ITGA1: variants seen among roughly 807,000 people sequenced by gnomAD.
ITGA1 encodes the protein integrin subunit alpha 1.
Under a neutral mutation model 145.9 loss-of-function variants are expected in ITGA1, and 85 were observed. The ratio of observed to expected loss-of-function variants is 0.58; its 90% CI spans 0.49 to 0.70. The LOEUF (loss-of-function observed/expected upper bound fraction) is 0.70, where lower values mean the gene tolerates loss of function less well. Among genes scored for constraint, ITGA1 ranks in the 30% least tolerant of loss-of-function variants. The pLI is 0.00. For missense variants in ITGA1, 1,351 were observed against 1,418.7 expected, an observed-to-expected ratio of 0.95 and a Z score of 0.77; for synonymous variants, 520 against 495.3, an observed-to-expected ratio of 1.05 and a Z score of -0.66.
chr5:52,876,715 T>C (rs1221030674), intron 6 of ITGA1, among the ~76,000 whole-genome samples: 1 of 152,200 alleles, frequency 6.6e-6, no homozygotes, highest in Non-Finnish European at 1.5e-5. Flanking sequence ...ACATAGTCCA[T>C]ACTCTTTACC....
At chr5:52,945,141 C>T (rs1751115623) in intron 27 of ITGA1, 106 bp downstream of exon 27, 1 of 785,466 alleles carries the variant, frequency 1.3e-6, no homozygotes, top group Non-Finnish European at 2.2e-6. Flanking sequence ...TGGTATTGCT[C>T]TCGGTAAGTG....
Position 52,808,676 on chromosome 5 carries a change from C to CTTT in ITGA1, c.61+20281_61+20283dup, listed in dbSNP as rs60113844. On this transcript the variant is annotated intron_variant, in intron 1 of 28. Transcript: ENST00000282588. ...TTTTTTTCTTTTTCTTTCTTTCTTT[C>CTTT]TTTTTTTTTTTTTTTTTTTTTGTTT... Among the ~76,000 whole-genome samples the CTTT allele has an allele frequency of 4.2e-3, 288 of 69,310 alleles. 2 individuals carry two copies. The highest frequency in any genetic ancestry group is 7.7e-3 in the East Asian group (18 of 2,344). The allele number at this position is 69,310 out of a possible 152,430, so 45.5% of individuals were successfully genotyped here.
chr5:52,845,988 T>C (rs1234949968), intron 1 of ITGA1, among the ~76,000 whole-genome samples: 2 of 152,166 alleles, frequency 1.3e-5, no homozygotes, highest in Non-Finnish European at 2.9e-5. Context: ...GCGAATATCA[T>C]AGAGTATATT....
intron 8 of ITGA1, among the ~76,000 whole-genome samples, chr5:52,893,295 C>T (rs1350546408): frequency 6.6e-6 from 1 of 152,096 alleles, no homozygotes; most frequent in African/African-American, 2.4e-5. Context: ...TGCTGATTGC[C>T]TTTGCCAGCA....
At chr5:52,789,155 G>C (rs1748189777) in intron 1 of ITGA1, among the ~76,000 whole-genome samples, 1 of 152,130 alleles carries the variant, frequency 6.6e-6, no homozygotes, top group African/African-American at 2.4e-5. Context: ...TTGAAATATA[G>C]CATTTTGTAA....
chr5:52,948,230 A>AT (rs1384373733), intron 28 of ITGA1, among the ~76,000 whole-genome samples: 2 of 152,338 alleles, frequency 1.3e-5, no homozygotes, highest in East Asian at 3.9e-4. Flanking sequence ...ATAACATCCC[A>AT]TACAGAGTTG....
In ITGA1 at chr5:52,956,888, A is replaced by T. The variant is rs1452400446; in HGVS notation, c.*4437A>T. The stretch of plus-strand genomic sequence containing the variant: ...CCTCTGGCTGCCAATCAGACTGCTG[A>T]TTCTAAACCATTCTCACACAGAATT... On this transcript the variant is annotated 3_prime_UTR_variant, in exon 29 of 29. Transcript: ENST00000282588. 6.6e-6 allele frequency: 1 copy of T among 152,206 alleles called. No homozygotes were observed. Among genetic ancestry groups the T allele is most frequent in the Non-Finnish European group, 1.5e-5 (1 of 68,046 alleles). 9.4% of individuals were successfully genotyped at this position (152,206 alleles called of 1,614,324 possible).
At chr5:52,921,543 G>A (rs1425158777) in intron 17 of ITGA1, among the ~76,000 whole-genome samples, 1 of 152,034 alleles carries the variant, frequency 6.6e-6, no homozygotes, top group East Asian at 1.9e-4. Flanking sequence ...TGAACACTTA[G>A]GAATTAGAAT....
chr5:52,820,211 A>G (rs975224507), intron 1 of ITGA1, among the ~76,000 whole-genome samples: 8 of 151,954 alleles, frequency 5.3e-5, no homozygotes, highest in African/African-American at 1.9e-4. Flanking sequence ...TGATGAGTTC[A>G]TGTCCTTTGT....
At chr5:52,932,566 T>A (rs1750908615) in intron 22 of ITGA1, 1 of 153,278 alleles carries the variant, frequency 6.5e-6, no homozygotes, top group Non-Finnish European at 1.5e-5. Context: ...GCATTTCTCA[T>A]TGATAAGAGC....
chr5:52,805,153 G>A (rs1038252184), intron 1 of ITGA1, among the ~76,000 whole-genome samples: 1 of 152,118 alleles, frequency 6.6e-6, no homozygotes. Context: ...CCTAAAAGGG[G>A]AAGAAGAAAT....
intron 1 of ITGA1, chr5:52,801,898 C>G: frequency 7.7e-7 from 1 of 1,301,778 alleles, no homozygotes; most frequent in Non-Finnish European, 1.0e-6. Context: ...CAGTACATTT[C>G]TCAGCATCCT....
At chr5:52,884,824 G>A (rs766910114) in intron 7 of ITGA1, among the ~76,000 whole-genome samples, 1 of 152,168 alleles carries the variant, frequency 6.6e-6, no homozygotes, top group Non-Finnish European at 1.5e-5. Flanking sequence ...CCAGTTATCT[G>A]ACATCAGCTG....
intron 2 of ITGA1, 92 bp from the exon 3 acceptor site, chr5:52,861,355 T>C: frequency 1.3e-6 from 1 of 742,960 alleles, no homozygotes; most frequent in Non-Finnish European, 2.3e-6. Context: ...TTATGAGTGT[T>C]ATTGTCAATT....
chr5:52,861,170 CATGTATATACACACATATAT>C (rs1217307194), intron 2 of ITGA1, among the ~76,000 whole-genome samples: 1 of 151,932 alleles, frequency 6.6e-6, no homozygotes, highest in African/African-American at 2.4e-5. Flanking sequence ...CACACATATA[CATGTATATACACACATATAT>C]ATGTATATAC....
chr5:52,885,738 C>T (rs1301524239), intron 7 of ITGA1, among the ~76,000 whole-genome samples: 2 of 152,122 alleles, frequency 1.3e-5, no homozygotes, highest in African/African-American at 2.4e-5. Context: ...AAAGAAATGA[C>T]TTGATTGGCT....
At chr5:52,937,350 G>A in intron 23 of ITGA1, 51 bp from the exon 24 acceptor site, 1 of 1,223,734 alleles carries the variant, frequency 8.2e-7, no homozygotes, top group Non-Finnish European at 1.2e-6. Context: ...TAAGACAGAA[G>A]AATTCTATTA....
intron 28 of ITGA1, among the ~76,000 whole-genome samples, chr5:52,951,604 G>A (rs916930545): frequency 6.6e-5 from 10 of 152,002 alleles, no homozygotes; most frequent in South Asian, 2.1e-4. Context: ...ATAAGCAGAC[G>A]TCCTGATGCA....
At chr5:52,927,298 C>T (rs1040010294) in intron 19 of ITGA1, among the ~76,000 whole-genome samples, 7 of 152,108 alleles carry the variant, frequency 4.6e-5, no homozygotes, top group African/African-American at 9.7e-5. Context: ...ATCCAGCCAC[C>T]GCAATCACTC....
Sources: allele counts gnomAD v4.1 joint callset (sites outside exome capture counted in the v4.1 genomes callset), GRCh38; gene constraint gnomAD v4.1.1; transcripts MANE v1.5; gene names NCBI Gene and HGNC (gene_info 2026-07-23, HGNC 2026-07-21).